UNC13C: variants seen among roughly 807,000 people sequenced by gnomAD.
UNC13C encodes the protein unc-13 homolog C, also known as protein unc-13 homolog C.
In UNC13C, 174 loss-of-function variants were observed where a neutral mutation model predicts 245.4. The ratio of observed to expected loss-of-function variants is 0.71; its 90% CI spans 0.63 to 0.80. The LOEUF is 0.80. Ranked by LOEUF, UNC13C falls within the 30% of genes least tolerant of loss-of-function variation. The pLI is 0.00. For synonymous variants in UNC13C, 992 were observed against 895.1 expected, an observed-to-expected ratio of 1.11 and a Z score of -1.93; for missense variants, 2,829 against 2,602.9, an observed-to-expected ratio of 1.09 and a Z score of -1.89.
intron 25 of UNC13C, among the ~76,000 whole-genome samples, chr15:54,525,862 A>G (rs892282114): frequency 2.0e-5 from 3 of 152,176 alleles, no homozygotes; most frequent in African/African-American, 7.2e-5. Flanking sequence ...GATAACACCT[A>G]TAACACTATC....
intron 1 of UNC13C, among the ~76,000 whole-genome samples, chr15:54,004,448 G>T (rs1431393009): frequency 6.6e-6 from 1 of 152,040 alleles, no homozygotes; most frequent in Non-Finnish European, 1.5e-5. Flanking sequence ...CTTGTCTATT[G>T]TGAACAGTAC....
chr15:54,525,018 C>T (rs1380717488), intron 24 of UNC13C, among the ~76,000 whole-genome samples: 1 of 152,132 alleles, frequency 6.6e-6, no homozygotes, highest in African/African-American at 2.4e-5. Context: ...CATGGGCGTG[C>T]TTGGATACCT....
chr15:54,017,395 G>A (rs1895709258), intron 2 of UNC13C, among the ~76,000 whole-genome samples: 1 of 151,976 alleles, frequency 6.6e-6, no homozygotes, highest in African/African-American at 2.4e-5. Flanking sequence ...TATTTCTTGG[G>A]ATACAGGCCA....
intron 17 of UNC13C, among the ~76,000 whole-genome samples, chr15:54,348,184 G>A (rs6493676): frequency 0.73 from 111,382 of 152,048 alleles, 40,977 homozygotes; most frequent in East Asian, 0.92. Flanking sequence ...CACAATTACA[G>A]ATAAGGCTGC....
intron 17 of UNC13C, among the ~76,000 whole-genome samples, chr15:54,347,345 A>G (rs2038881281): frequency 6.6e-6 from 1 of 152,224 alleles, no homozygotes; most frequent in African/African-American, 2.4e-5. Flanking sequence ...CACAGAGATC[A>G]TCCACAAGAA....
At chr15:54,482,052 A>G (rs1323708293) in intron 19 of UNC13C, among the ~76,000 whole-genome samples, 1 of 152,048 alleles carries the variant, frequency 6.6e-6, no homozygotes, top group Non-Finnish European at 1.5e-5. Flanking sequence ...CCTGGGGAAT[A>G]TACACTTTGT....
At chr15:53,841,395 AT>A in the UNC13C span, among the ~76,000 whole-genome samples, 1 of 151,924 alleles carries the variant, frequency 6.6e-6, no homozygotes, top group South Asian at 2.1e-4. Context: ...AAAAATACAC[AT>A]TTTTTTCCTT....
intron 2 of UNC13C, among the ~76,000 whole-genome samples, chr15:54,033,056 G>C (rs1472881359): frequency 1.3e-5 from 2 of 151,686 alleles, no homozygotes; most frequent in Admixed American, 1.3e-4. Context: ...GGGTGATGGG[G>C]GCACCAAAAT....
chr15:54,175,395 C>T (rs1173718691), intron 4 of UNC13C, among the ~76,000 whole-genome samples: 1 of 152,062 alleles, frequency 6.6e-6, no homozygotes, highest in African/African-American at 2.4e-5. Context: ...ATTTGCCCAC[C>T]ATAACTATAA....
chr15:54,398,928 T>G (rs549764052), intron 18 of UNC13C, among the ~76,000 whole-genome samples: 135 of 151,790 alleles, frequency 8.9e-4, no homozygotes, highest in African/African-American at 3.1e-3. Context: ...CAATGTTTTG[T>G]TTTTTGTTTT....
chr15:54,289,223 C>T (rs1362594372), intron 10 of UNC13C, among the ~76,000 whole-genome samples: 1 of 152,066 alleles, frequency 6.6e-6, no homozygotes, highest in Non-Finnish European at 1.5e-5. Flanking sequence ...TACCTATAAA[C>T]TGTCTACATT....
At chr15:53,886,688 G>A in the UNC13C span, among the ~76,000 whole-genome samples, 9 of 152,098 alleles carry the variant, frequency 5.9e-5, no homozygotes, top group Admixed American at 5.9e-4. Context: ...AGGGAGGTAG[G>A]GGAGTGGAGG....
chr15:54,630,076 G>A (rs1205087027), downstream of UNC13C: 1 of 152,178 alleles, frequency 6.6e-6, no homozygotes, highest in African/African-American at 2.4e-5. Context: ...GCACTAATGT[G>A]TGTAGCAATT....
intron 19 of UNC13C, among the ~76,000 whole-genome samples, chr15:54,439,743 G>T (rs1816581059): frequency 6.6e-6 from 1 of 151,706 alleles, no homozygotes; most frequent in African/African-American, 2.4e-5. Flanking sequence ...GATATTTAGG[G>T]TATCCATCAC....
the UNC13C span, among the ~76,000 whole-genome samples, chr15:53,905,031 A>G: frequency 3.9e-5 from 6 of 152,182 alleles, no homozygotes; most frequent in Non-Finnish European, 8.8e-5. Context: ...GAAAATCACA[A>G]GCAGATATGA....
chr15:54,113,875 A>G (rs570176440), intron 2 of UNC13C, among the ~76,000 whole-genome samples: 23 of 152,286 alleles, frequency 1.5e-4, no homozygotes, highest in African/African-American at 5.5e-4. Flanking sequence ...TAGTTTAAAA[A>G]TAATCTGTAA....
intron 30 of UNC13C, among the ~76,000 whole-genome samples, chr15:54,591,187 C>T (rs746716438): frequency 2.0e-5 from 3 of 152,212 alleles, no homozygotes; most frequent in East Asian, 1.9e-4. Context: ...TTGTTGGATT[C>T]GGTTAGCAAG....
At chr15:54,029,507 T>C (rs547310334) in intron 2 of UNC13C, among the ~76,000 whole-genome samples, 20 of 152,234 alleles carry the variant, frequency 1.3e-4, no homozygotes, top group Non-Finnish European at 2.6e-4. Flanking sequence ...TGAAAATATT[T>C]ATTAGCACCT....
At chr15:53,989,903 A>G (rs1894308422) in intron 1 of UNC13C, among the ~76,000 whole-genome samples, 1 of 152,032 alleles carries the variant, frequency 6.6e-6, no homozygotes, top group South Asian at 2.1e-4. Context: ...TGACACTGTC[A>G]TGATAAGGAA....
Sources: allele counts gnomAD v4.1 joint callset (sites outside exome capture counted in the v4.1 genomes callset), GRCh38; gene constraint gnomAD v4.1.1; transcripts MANE v1.5; gene names NCBI Gene and HGNC (gene_info 2026-07-23, HGNC 2026-07-21).